The following PLCL2 variants were observed in gnomAD, a reference collection of about 807,000 sequenced individuals.
PLCL2 encodes the protein phospholipase C like 2.
A neutral mutation model predicts 79.6 loss-of-function variants in PLCL2; 4 were observed. That is an observed-to-expected ratio of 0.05 (90% CI 0.02 to 0.11). The LOEUF is 0.11. PLCL2 is among the 10% of genes least tolerant of loss of function. PLCL2 has a pLI of 1.00. For synonymous variants in PLCL2, 484 were observed against 457.7 expected (o/e 1.06, Z -0.73); for missense variants, 895 against 1,291.0 (o/e 0.69, Z 4.70).
chr3:16,976,485 C>T (rs1277473776), intron 1 of PLCL2, among the ~76,000 whole-genome samples: 2 of 152,172 alleles, frequency 1.3e-5, no homozygotes, highest in African/African-American at 4.8e-5. Context: ...TTGATGAGGT[C>T]CCATCCACAT....
chr3:16,980,696 C>A lies in PLCL2; in HGVS notation c.328-28978C>A, dbSNP rs187058174. Among the ~76,000 whole-genome samples, 893 of 151,762 alleles carry A rather than the reference C, an allele frequency of 5.9e-3. 12 individuals are homozygous for A. Among genetic ancestry groups the A allele is most frequent in the African/African-American group, 0.021 (853 of 41,356 alleles). Reference sequence around the variant, plus strand: ...GGATCCTCACATCCCAGACGATGGGCGGCCAGGCGGAGACGCCCCTCGCTT... The same window carrying A: ...GGATCCTCACATCCCAGACGATGGGAGGCCAGGCGGAGACGCCCCTCGCTT... On this transcript the variant is annotated intron_variant, in intron 1 of 5. Transcript: ENST00000615277.
At chr3:16,921,182 A>T (rs963801727) in intron 1 of PLCL2, among the ~76,000 whole-genome samples, 12 of 152,348 alleles carry the variant, frequency 7.9e-5, no homozygotes, top group Middle Eastern at 3.4e-3. Flanking sequence ...TGGTAGGGAG[A>T]GAGCTAGTCA....
chr3:16,976,208 A>G (rs2063924293), intron 1 of PLCL2, among the ~76,000 whole-genome samples: 1 of 152,048 alleles, frequency 6.6e-6, no homozygotes, highest in African/African-American at 2.4e-5. Context: ...GCGTGTATAT[A>G]TGTGTGTGTG....
chr3:17,060,146 G>A (rs2064936126), intron 4 of PLCL2, among the ~76,000 whole-genome samples: 1 of 152,116 alleles, frequency 6.6e-6, no homozygotes, highest in Non-Finnish European at 1.5e-5. Context: ...GTTTAGAATG[G>A]TGGCATGGTA....
intron 1 of PLCL2, among the ~76,000 whole-genome samples, chr3:16,976,280 C>T (rs987935513): frequency 1.3e-5 from 2 of 152,040 alleles, no homozygotes; most frequent in Non-Finnish European, 2.9e-5. Flanking sequence ...GAAATTGGCT[C>T]ATGCAGTTGT....
chr3:16,900,701 C>T (rs972771302), intron 1 of PLCL2, among the ~76,000 whole-genome samples: 5 of 152,194 alleles, frequency 3.3e-5, no homozygotes, highest in African/African-American at 1.2e-4. Context: ...AGTGGGCTCT[C>T]ACAATGCTCC....
chr3:16,997,742 A>G (rs1575578397), intron 1 of PLCL2, among the ~76,000 whole-genome samples: 2 of 152,030 alleles, frequency 1.3e-5, no homozygotes, highest in Middle Eastern at 6.8e-3. Context: ...GTTTCACAGT[A>G]TTAGCCAGGA....
intron 1 of PLCL2, among the ~76,000 whole-genome samples, chr3:16,969,810 T>G (rs2063840343): frequency 6.6e-6 from 1 of 151,956 alleles, no homozygotes. Context: ...GTTTTTCTAG[T>G]TCCTCAAAGT....
At chr3:16,892,136 G>T (rs1327975434) in intron 1 of PLCL2, among the ~76,000 whole-genome samples, 2 of 152,246 alleles carry the variant, frequency 1.3e-5, no homozygotes, top group Non-Finnish European at 2.9e-5. Context: ...GGATGAAGAT[G>T]TTATTTAGAC....
At chr3:17,039,833 T>G (rs2064701147) in intron 3 of PLCL2, among the ~76,000 whole-genome samples, 1 of 152,166 alleles carries the variant, frequency 6.6e-6, no homozygotes, top group South Asian at 2.1e-4. Context: ...TCTTCATATT[T>G]TATATACTAC....
At chr3:17,005,420 T>C (rs17042990) in intron 1 of PLCL2, among the ~76,000 whole-genome samples, 75 of 152,314 alleles carry the variant, frequency 4.9e-4, no homozygotes, top group African/African-American at 1.7e-3. Context: ...ATTTATGAAA[T>C]TGCCACTACC....
intron 4 of PLCL2, among the ~76,000 whole-genome samples, chr3:17,050,582 A>G (rs757641531): frequency 2.0e-5 from 3 of 152,222 alleles, no homozygotes; most frequent in Non-Finnish European, 4.4e-5. Flanking sequence ...ATGCAAATCA[A>G]AACTAAATGA....
chr3:16,944,409 AC>A (rs1385107045), intron 1 of PLCL2, among the ~76,000 whole-genome samples: 1 of 152,168 alleles, frequency 6.6e-6, no homozygotes, highest in Non-Finnish European at 1.5e-5. Flanking sequence ...ACTAGGCTGA[AC>A]TGTGCCCCCT....
In PLCL2 at chr3:17,014,805, A is replaced by G; in HGVS notation, c.2912A>G (p.Asp971Gly). ...GTGTCTCCCCGCTTTCTGGGGCCCG[A>G]TAACACACCCCTAGTGGTCCTAAAT... The part of the protein sequence containing the change: ...LAVSPRFLGP[D>G]NTPLVVLNLS... Residue 971 changes from aspartate to glycine, a missense_variant, in exon 3 of 6, where the codon GAT becomes GGT. Around this residue, in one of 6 missense-constraint regions of PLCL2, gnomAD observed 298 missense variants for 459.6 expected, o/e 0.65. Coordinates refer to ENST00000615277, the MANE Select transcript of PLCL2 (RefSeq NM_001144382.2). 1 of 1,614,130 alleles carries G rather than the reference A, an allele frequency of 6.2e-7. No homozygotes were observed. Among genetic ancestry groups the G allele is most frequent in the African/African-American group, 1.3e-5 (1 of 75,040 alleles).
intron 1 of PLCL2, among the ~76,000 whole-genome samples, chr3:16,960,648 CA>C (rs2063746436): frequency 6.6e-6 from 1 of 152,170 alleles, no homozygotes; most frequent in South Asian, 2.1e-4. Flanking sequence ...CAAGGACCAC[CA>C]AAATATCTCT....
At chr3:17,006,740 A>C (rs1432977345) in intron 1 of PLCL2, among the ~76,000 whole-genome samples, 3 of 152,216 alleles carry the variant, frequency 2.0e-5, no homozygotes, top group Non-Finnish European at 4.4e-5. Flanking sequence ...GTCTCCATTC[A>C]AAGCCTGGGC....
chr3:16,892,924 AC>A (rs1432680317), intron 1 of PLCL2, among the ~76,000 whole-genome samples: 1 of 151,704 alleles, frequency 6.6e-6, no homozygotes, highest in Non-Finnish European at 1.5e-5. Flanking sequence ...CTGCTCCATC[AC>A]CCTCTCCCAC....
intron 1 of PLCL2, among the ~76,000 whole-genome samples, chr3:16,925,491 T>C (rs1033265587): frequency 2.6e-5 from 4 of 152,172 alleles, no homozygotes; most frequent in African/African-American, 9.7e-5. Flanking sequence ...ATTACCACTA[T>C]CTAATTGCAG....
intron 4 of PLCL2, among the ~76,000 whole-genome samples, chr3:17,060,245 C>T (rs2064937051): frequency 6.6e-6 from 1 of 152,132 alleles, no homozygotes. Flanking sequence ...AAGAAAACCT[C>T]CCTCATATAA....
Sources: allele counts gnomAD v4.1 joint callset (sites outside exome capture counted in the v4.1 genomes callset), GRCh38; gene constraint gnomAD v4.1.1; regional missense constraint gnomAD v4.1.1; transcripts MANE v1.5; gene names NCBI Gene and HGNC (gene_info 2026-07-23, HGNC 2026-07-21).